The following ADPRHL1 variants were observed in gnomAD, a reference collection of about 807,000 sequenced individuals.
ADPRHL1 encodes the protein ADP-ribosylhydrolase like 1.
In ADPRHL1, 43 loss-of-function variants were observed where a neutral mutation model predicts 44.1. That is an observed-to-expected ratio of 0.98 (90% confidence interval 0.76 to 1.26). The LOEUF is 1.26. ADPRHL1 is among the 50% of genes most tolerant of loss of function. The probability of loss-of-function intolerance (pLI) is 0.00; values close to 1 mark genes in which losing one functional copy is unlikely to be tolerated. For synonymous variants in ADPRHL1, 878 were observed against 1,017.4 expected (o/e 0.86, Z 2.61); for missense variants, 2,022 against 2,496.9 (o/e 0.81, Z 4.05).
chr13:113,418,031 A>C (rs903162944), intron 7 of ADPRHL1, among the ~76,000 whole-genome samples: 4 of 152,204 alleles, frequency 2.6e-5, no homozygotes, highest in African/African-American at 9.7e-5. Flanking sequence ...GAGGTTATGC[A>C]ATCGCCAGGG....
rs1310211624 is a variant in ADPRHL1 at position 113,441,145 on chromosome 13, T to C, written c.379+3280A>G. Among the ~76,000 whole-genome samples the C allele has an allele frequency of 6.6e-6, 1 of 152,102 alleles. No individual in the cohort carries two copies. The highest frequency in any genetic ancestry group is 1.5e-5 in the Non-Finnish European group (1 of 68,020). On this transcript the variant is annotated intron_variant, in intron 2 of 7. Transcript: ENST00000612156. This position sits in a 1 kb window ranked among gnomAD's most constrained non-coding sequence, Gnocchi z 6.0. ...TCCAATCTGGGCGACAGAGCAAGAC[T>C]CCATCTCAAAATTAAAAAGTTGTTT...
chr13:113,443,164 T>G (rs570927290), intron 2 of ADPRHL1, among the ~76,000 whole-genome samples: 1 of 152,362 alleles, frequency 6.6e-6, no homozygotes. Flanking sequence ...TGATTTTCCT[T>G]GTCAGGAACT....
In ADPRHL1 at chr13:113,405,797, C is replaced by A; in HGVS notation, c.3485G>T (p.Gly1162Val). Residue 1162 changes from glycine (G) to valine (V), a missense_variant, in exon 8 of 8, where the codon GGA becomes GTA. This residue lies in a region of ADPRHL1 where 1,221 missense variants were observed against 1,517.8 expected (regional missense o/e 0.80). Transcript: ENST00000612156. ...SRALSESHPR[G>V]EALPRDPHSH... The stretch of plus-strand genomic sequence containing the variant: ...GTGAGGGTCTCGAGGGAGAGCCTCT[C>A]CTCTGGGGTGGCTTTCGGACAAGGC... The A allele has an allele frequency of 8.1e-7, 1 of 1,231,862 alleles. No homozygotes were observed. Among genetic ancestry groups the A allele is most frequent in the Non-Finnish European group, 1.0e-6 (1 of 988,054 alleles). The allele number at this position is 1,231,862 out of a possible 1,614,324, so 76.3% of individuals were successfully genotyped here. A position where few individuals can be genotyped will look rare whatever the true frequency, so the allele number is the denominator to read the frequency against.
chr13:113,405,936 C>G lies in ADPRHL1; in HGVS notation c.3346G>C (p.Ala1116Pro). 1 of 1,232,060 alleles carries G rather than the reference C, an allele frequency of 8.1e-7. No homozygotes were observed. Among genetic ancestry groups the G allele is most frequent in the Non-Finnish European group, 1.0e-6 (1 of 988,042 alleles). 76.3% of individuals were successfully genotyped at this position (1,232,060 alleles called of 1,614,324 possible). Residue 1116 changes from alanine to proline, a missense_variant, in exon 8 of 8, where the codon GCT becomes CCT. Transcript: ENST00000612156. The part of the protein sequence containing the change: ...PGMKACGAMA[A>P]AGSVASRATP... ...GCGCGGCTCGCAACGCTCCCTGCAG[C>G]TGCCATCGCCCCACAGGCTTTCATA...
At chr13:113,414,668 TTC>T (rs1239509136) in intron 7 of ADPRHL1, among the ~76,000 whole-genome samples, 7 of 149,998 alleles carry the variant, frequency 4.7e-5, no homozygotes, top group Non-Finnish European at 8.9e-5. Flanking sequence ...AGCAGGGGTC[TTC>T]TGTTTTCTGT....
chr13:113,450,656 G>A (rs776386988), intron 1 of ADPRHL1, among the ~76,000 whole-genome samples: 40 of 152,172 alleles, frequency 2.6e-4, no homozygotes, highest in South Asian at 2.1e-4. Flanking sequence ...CCTGGCAGCC[G>A]AGGCAGAGAG....
At chr13:113,414,922 C>G (rs2085040352) in intron 7 of ADPRHL1, among the ~76,000 whole-genome samples, 1 of 152,144 alleles carries the variant, frequency 6.6e-6, no homozygotes, top group African/African-American at 2.4e-5. Flanking sequence ...ATCCATGCCC[C>G]TCAGCCTCCC....
chr13:113,431,470 T>G (rs1047693556), intron 3 of ADPRHL1, among the ~76,000 whole-genome samples: 1 of 152,162 alleles, frequency 6.6e-6, no homozygotes, highest in African/African-American at 2.4e-5. Context: ...AGCCCAGGGC[T>G]CTGGGCCGGT....
intron 1 of ADPRHL1, among the ~76,000 whole-genome samples, chr13:113,450,901 C>T (rs571454604): frequency 5.3e-5 from 8 of 152,128 alleles, no homozygotes; most frequent in African/African-American, 1.9e-4. Context: ...GTCAGGCCCT[C>T]CACAAGAGGT....
chr13:113,407,829 G>A lies in ADPRHL1; in HGVS notation c.1453C>T (p.Pro485Ser). The A allele has an allele frequency of 1.6e-6, 2 of 1,231,976 alleles. No homozygotes were observed. The highest frequency in any genetic ancestry group is 6.3e-5 in the East Asian group (2 of 31,696). 76.3% of individuals were successfully genotyped at this position (1,231,976 alleles called of 1,614,324 possible). Residue 485 changes from proline (P) to serine (S), a missense_variant, in exon 8 of 8, where the codon CCC (proline) becomes TCC (serine). Coordinates refer to ENST00000612156, the MANE Select transcript of ADPRHL1 (RefSeq NM_001394807.1). ...LEKTKEPAPK[P>S]CLSEKPRWGH... is the part of the protein sequence containing the mutation. Reference sequence around the variant, plus strand: ...CAGCGGGGCTTCTCGCTGAGGCAGGGCTTTGGGGCCGGCTCCTTGGTCTTC... The same window carrying A: ...CAGCGGGGCTTCTCGCTGAGGCAGGACTTTGGGGCCGGCTCCTTGGTCTTC...
chr13:113,444,273 A>G (rs1323795873), intron 2 of ADPRHL1, 152 bp downstream of exon 2: 1 of 1,085,790 alleles, frequency 9.2e-7, no homozygotes, highest in African/African-American at 1.6e-5. Flanking sequence ...CGGGCTGACC[A>G]GGAGGGGCCC....
In ADPRHL1 at chr13:113,453,237, C is replaced by T. The variant is rs1396842261; in HGVS notation, c.201G>A (p.Glu67=). 1 of 1,614,100 alleles carries T rather than the reference C, an allele frequency of 6.2e-7. No individual in the cohort carries two copies. ...GGCCCAGCCTACCTGTGGTGAGGGC[C>T]TCGGCGGTTGCGATGTGCATGATGG... ...DNTIMHIATA[E]ALTTDYWCLD... is the part of the protein sequence containing the mutation. Residue 67 remains glutamate, a synonymous_variant, in exon 1 of 8, where the codon GAG becomes GAA. Transcript: ENST00000612156. This position sits in a 1 kb window ranked among gnomAD's most constrained non-coding sequence, Gnocchi z 5.4.
In ADPRHL1 at chr13:113,437,041, C is replaced by A. The variant is rs191575599; in HGVS notation, c.380-3174G>T. Among the ~76,000 whole-genome samples the A allele has an allele frequency of 5.4e-3, 721 of 132,522 alleles. 50 individuals carry two copies. The highest frequency in any genetic ancestry group is 7.0e-3 in the Admixed American group (91 of 13,078). 86.9% of individuals were successfully genotyped at this position (132,522 alleles called of 152,430 possible). A position where few individuals can be genotyped will look rare whatever the true frequency, so the allele number is the denominator to read the frequency against. ...TGTACCCTGGGACTCGGCACCCAGG[C>A]GCAGGGTGAACATAGGTGTACCCCG... On this transcript the variant is annotated intron_variant, in intron 2 of 7. Transcript: ENST00000612156.
chr13:113,453,097 G>A lies in ADPRHL1; in HGVS notation c.214+127C>T, dbSNP rs893456121. 8 of 955,124 alleles carry A rather than the reference G, an allele frequency of 8.4e-6. No homozygotes were observed. Among genetic ancestry groups the A allele is most frequent in the African/African-American group, 8.2e-5 (5 of 60,994 alleles). The allele number at this position is 955,124 out of a possible 1,614,324, so 59.2% of individuals were successfully genotyped here. On this transcript the variant is annotated intron_variant, in intron 1 of 7. Coordinates refer to ENST00000612156, the MANE Select transcript of ADPRHL1 (RefSeq NM_001394807.1). The surrounding 1 kb of genome is among the most constrained non-coding windows in gnomAD (Gnocchi z 5.4). ...AGATTAAATTGCCACTTTTAGCAGCGGTATCAGGTAACACCATCCGCTGAA... is the reference window on the plus strand; with the variant it reads ...AGATTAAATTGCCACTTTTAGCAGCAGTATCAGGTAACACCATCCGCTGAA...
rs561988684 is a variant in ADPRHL1, at chr13:113,407,693, C to T, written c.1589G>A (p.Arg530Gln). Residue 530 changes from arginine (R) to glutamine (Q), a missense_variant, in exon 8 of 8, where the codon CGG (arginine) becomes CAG (glutamine). Transcript: ENST00000612156. The part of the protein sequence containing the change: ...KEAREKPPVE[R>Q]PKAARGLLPK... Reference sequence around the variant, plus strand: ...CAAGAGGCCCCTGGCGGCTTTGGGCCGCTCCACAGGGGGCTTCTCGCGTGC... The same window carrying T: ...CAAGAGGCCCCTGGCGGCTTTGGGCTGCTCCACAGGGGGCTTCTCGCGTGC... 2.4e-4 allele frequency: 297 copies of T among 1,232,068 alleles called. 1 individual carries two copies. In the African/African-American group the frequency reaches 3.9e-3, roughly 16 times the overall value. The allele number at this position is 1,232,068 out of a possible 1,614,324, so 76.3% of individuals were successfully genotyped here. A position where few individuals can be genotyped will look rare whatever the true frequency, so the allele number is the denominator to read the frequency against.
Position 113,406,893 on chromosome 13 carries a change from G to A in ADPRHL1, c.2389C>T (p.Pro797Ser). ...AAGAGGGGGTCTCTCCCTGGGTCTG[G>A]GAAGCCTGCTCCTTCCCTTTCATCC... The part of the protein sequence containing the change: ...SEDEREGAGF[P>S]DPGRDPLFAT... The change falls in exon 8 of 8, where the codon CCA (proline) becomes TCA (serine). Residue 797 changes from proline (P) to serine (S), a missense_variant. Pro to Ser is a moderately conservative substitution (Grantham distance 74, BLOSUM62 -1). Around this residue, in one of 8 missense-constraint regions of ADPRHL1, gnomAD observed 1,221 missense variants for 1,517.8 expected, o/e 0.80. Transcript: ENST00000612156. 1 of 1,232,262 alleles carries A rather than the reference G, an allele frequency of 8.1e-7. No homozygotes were observed. Among genetic ancestry groups the A allele is most frequent in the Non-Finnish European group, 1.0e-6 (1 of 988,178 alleles). 76.3% of individuals were successfully genotyped at this position (1,232,262 alleles called of 1,614,324 possible). A position where few individuals can be genotyped will look rare whatever the true frequency, so the allele number is the denominator to read the frequency against.
At chr13:113,418,998 CCCTTCCTCCCTCCCTT>C (rs2077409868) in intron 7 of ADPRHL1, among the ~76,000 whole-genome samples, 3 of 104,024 alleles carry the variant, frequency 2.9e-5, no homozygotes, top group African/African-American at 7.3e-5. Flanking sequence ...CTCCCTCCCT[CCCTTCCTCCCTCCCTT>C]CCTTCCTTTC....
chr13:113,439,444 AT>A (rs34104211), intron 2 of ADPRHL1, among the ~76,000 whole-genome samples: 61,719 of 137,808 alleles, frequency 0.45, 14,263 homozygotes, highest in East Asian at 0.74. Flanking sequence ...TTTTCTTTGT[AT>A]TTTTTTTTTT....
intron 6 of ADPRHL1, 66 bp downstream of exon 6, chr13:113,424,151 C>CGAGG (rs2043946029): frequency 1.3e-6 from 2 of 1,592,052 alleles, no homozygotes; most frequent in Admixed American, 1.7e-5. Context: ...TAGGACACTC[C>CGAGG]GAGGGGGTGC....
Sources: gnomAD v4.1 joint callset for allele counts (sites outside exome capture counted in the v4.1 genomes callset) on GRCh38, gnomAD v4.1.1 for gene constraint, gnomAD v4.1.1 regional missense constraint, Gnocchi (gnomAD v3.1) non-coding constraint, MANE v1.5 for transcripts, NCBI Gene and HGNC (gene_info 2026-07-23, HGNC 2026-07-21) for gene names.